NEK7: variants seen among roughly 807,000 people sequenced by gnomAD.
NEK7 encodes the protein NIMA related kinase 7.
Under a neutral mutation model 44.6 loss-of-function variants are expected in NEK7, and 18 were observed. The observed-to-expected ratio is 0.40, with a 90% confidence interval of 0.28 to 0.60. The LOEUF (loss-of-function observed/expected upper bound fraction) is 0.60, where lower values mean the gene tolerates loss of function less well. Among genes scored for constraint, NEK7 ranks in the 20% least tolerant of loss-of-function variants. The pLI is 0.38. For synonymous variants in NEK7, 130 were observed against 121.1 expected, an observed-to-expected ratio of 1.07 and a Z score of -0.48; for missense variants, 256 against 366.5, an observed-to-expected ratio of 0.70 and a Z score of 2.46.
chr1:198,278,948 T>C lies in NEK7; in HGVS notation c.482-6T>C. The C allele has an allele frequency of 6.6e-7, 1 of 1,515,628 alleles. No individual in the cohort carries two copies. The highest frequency in any genetic ancestry group is 9.1e-7 in the Non-Finnish European group (1 of 1,096,556). 93.9% of individuals were successfully genotyped at this position (1,515,628 alleles called of 1,614,324 possible). A position where few individuals can be genotyped will look rare whatever the true frequency, so the allele number is the denominator to read the frequency against. ...TCTTTTACCTGATCCCTTCATTTATTCACAGATATAAAACCAGCTAATGTG... is the reference window on the plus strand; with the variant it reads ...TCTTTTACCTGATCCCTTCATTTATCCACAGATATAAAACCAGCTAATGTG... On this transcript the variant is annotated splice_region_variant and splice_polypyrimidine_tract_variant and intron_variant, in intron 6 of 9. Transcript: ENST00000367385.
intron 5 of NEK7, among the ~76,000 whole-genome samples, chr1:198,271,118 C>T (rs146535283): frequency 1.2e-3 from 175 of 152,164 alleles, no homozygotes; most frequent in Non-Finnish European, 2.1e-3. Flanking sequence ...AGGAGAGTTT[C>T]TCTGGATTCA....
intron 1 of NEK7, among the ~76,000 whole-genome samples, chr1:198,184,668 T>C (rs1162591359): frequency 6.6e-6 from 1 of 151,980 alleles, no homozygotes; most frequent in Admixed American, 6.6e-5. Flanking sequence ...ATTAATGAAA[T>C]CACAATATAT....
chr1:198,189,708 GTTATT>G (rs1285005299), intron 1 of NEK7, among the ~76,000 whole-genome samples: 1 of 152,112 alleles, frequency 6.6e-6, no homozygotes, highest in African/African-American at 2.4e-5. Flanking sequence ...ACAGCTTAAA[GTTATT>G]TTATTCATTC....
chr1:198,271,905 T>TTATATATA (rs34354855), intron 5 of NEK7, among the ~76,000 whole-genome samples: 150 of 141,376 alleles, frequency 1.1e-3, no homozygotes, highest in South Asian at 2.5e-3. Flanking sequence ...AATTTATATT[T>TTATATATA]TATATATATA....
intron 9 of NEK7, among the ~76,000 whole-genome samples, chr1:198,310,622 A>G (rs1259217207): frequency 6.6e-6 from 1 of 151,730 alleles, no homozygotes; most frequent in Non-Finnish European, 1.5e-5. Flanking sequence ...TTTTTGTATA[A>G]GGTGTAAGGA....
intron 5 of NEK7, among the ~76,000 whole-genome samples, chr1:198,267,568 C>G (rs1027784129): frequency 3.9e-5 from 6 of 151,976 alleles, no homozygotes; most frequent in Non-Finnish European, 8.8e-5. Context: ...CTCTGCCTCC[C>G]TAGTAGCTAG....
chr1:198,268,321 C>T (rs932167695), intron 5 of NEK7, among the ~76,000 whole-genome samples: 2 of 151,404 alleles, frequency 1.3e-5, no homozygotes, highest in Non-Finnish European at 2.9e-5. Flanking sequence ...ACTACCCATC[C>T]TCCCATGTTC....
At chr1:198,206,545 T>G (rs757670636) in intron 1 of NEK7, among the ~76,000 whole-genome samples, 6 of 152,160 alleles carry the variant, frequency 3.9e-5, no homozygotes, top group Non-Finnish European at 8.8e-5. Flanking sequence ...TAAAACAACT[T>G]TAAAATGATA....
intron 1 of NEK7, among the ~76,000 whole-genome samples, chr1:198,170,101 T>C (rs557833836): frequency 9.8e-5 from 15 of 152,316 alleles, no homozygotes; most frequent in Middle Eastern, 6.8e-3. Flanking sequence ...GGAGGTCTTA[T>C]TGTTTGAAAT....
At chr1:198,161,836 A>G (rs1664115454) in intron 1 of NEK7, among the ~76,000 whole-genome samples, 1 of 152,106 alleles carries the variant, frequency 6.6e-6, no homozygotes, top group South Asian at 2.1e-4. Flanking sequence ...AAACTACTAG[A>G]CAAAGAAACA....
chr1:198,262,418 A>G (rs1558084377), intron 3 of NEK7, among the ~76,000 whole-genome samples, 157 bp from the exon 4 acceptor site: 1 of 152,058 alleles, frequency 6.6e-6, no homozygotes, highest in East Asian at 1.9e-4. Flanking sequence ...TGTTGGTAAC[A>G]TAAGATACCT....
At chr1:198,250,474 A>G (rs542857375) in intron 2 of NEK7, among the ~76,000 whole-genome samples, 10 of 151,696 alleles carry the variant, frequency 6.6e-5, no homozygotes, top group African/African-American at 2.2e-4. Flanking sequence ...CTTGGGCAGT[A>G]TGGCCATTTT....
intron 1 of NEK7, among the ~76,000 whole-genome samples, chr1:198,218,625 T>C (rs1665993865): frequency 6.6e-6 from 1 of 151,174 alleles, no homozygotes; most frequent in African/African-American, 2.4e-5. Flanking sequence ...ATCATCAGAA[T>C]AGACAACCTG....
chr1:198,160,276 G>A (rs1664065254), intron 1 of NEK7, among the ~76,000 whole-genome samples: 1 of 151,850 alleles, frequency 6.6e-6, no homozygotes, highest in Non-Finnish European at 1.5e-5. Context: ...AAAAAAGTAG[G>A]TAATTCCAAA....
At chr1:198,242,852 G>T (rs1666728742) in intron 2 of NEK7, among the ~76,000 whole-genome samples, 1 of 145,090 alleles carries the variant, frequency 6.9e-6, no homozygotes, top group South Asian at 2.2e-4. Context: ...AAGTAGAGAT[G>T]GGTTTTTGCC....
At chr1:198,193,685 A>G (rs1285136590) in intron 1 of NEK7, among the ~76,000 whole-genome samples, 4 of 152,210 alleles carry the variant, frequency 2.6e-5, no homozygotes, top group Non-Finnish European at 5.9e-5. Context: ...AACCTATAAC[A>G]TAAACAGAAC....
chr1:198,220,563 TA>T (rs1429697548), intron 1 of NEK7, among the ~76,000 whole-genome samples: 5 of 152,114 alleles, frequency 3.3e-5, no homozygotes, highest in South Asian at 2.1e-4. Context: ...TCTAAGCACT[TA>T]TTTTTTTGCA....
At chr1:198,228,990 T>C (rs1666309147) in intron 1 of NEK7, among the ~76,000 whole-genome samples, 1 of 152,156 alleles carries the variant, frequency 6.6e-6, no homozygotes, top group African/African-American at 2.4e-5. Flanking sequence ...TTCAGTATGA[T>C]TGAAGGTCTT....
intron 1 of NEK7, among the ~76,000 whole-genome samples, chr1:198,187,523 A>G (rs1664956111): frequency 6.6e-6 from 1 of 152,162 alleles, no homozygotes; most frequent in African/African-American, 2.4e-5. Context: ...CCTGGAGATA[A>G]ACTGATCTTA....
Sources: gnomAD v4.1 joint callset for allele counts (sites outside exome capture counted in the v4.1 genomes callset) on GRCh38, gnomAD v4.1.1 for gene constraint, MANE v1.5 for transcripts, NCBI Gene and HGNC (gene_info 2026-07-23, HGNC 2026-07-21) for gene names.